Variants in MYCBP observed in about 807,000 individuals in gnomAD.
MYCBP encodes the protein C-Myc-binding protein.
In MYCBP, 5 loss-of-function variants were observed where a neutral mutation model predicts 16.8. The ratio of observed to expected loss-of-function variants is 0.30; its 90% CI spans 0.16 to 0.63. The LOEUF (loss-of-function observed/expected upper bound fraction) is 0.63. MYCBP is among the 20% of genes least tolerant of loss of function. The pLI is 0.83. For synonymous variants in MYCBP, 35 were observed against 43.7 expected (o/e 0.80, Z 0.79); for missense variants, 103 against 121.8 (o/e 0.85, Z 0.73).
At chr1:38,870,484 A>C (rs1642437307) in intron 2 of MYCBP, among the ~76,000 whole-genome samples, 1 of 152,034 alleles carries the variant, frequency 6.6e-6, no homozygotes, top group Admixed American at 6.6e-5. Flanking sequence ...CTCTGTCTCA[A>C]AAAAAATAAA....
At chr1:38,872,283 T>C (rs1010139116) in intron 2 of MYCBP, among the ~76,000 whole-genome samples, 4 of 152,216 alleles carry the variant, frequency 2.6e-5, no homozygotes, top group Non-Finnish European at 4.4e-5. Flanking sequence ...GGCATTCAAA[T>C]TAGTGCTAAG....
At chr1:38,868,037 A>G (rs775996582) in intron 2 of MYCBP, among the ~76,000 whole-genome samples, 4 of 152,222 alleles carry the variant, frequency 2.6e-5, no homozygotes, top group Non-Finnish European at 4.4e-5. Flanking sequence ...GCAGGAAAGG[A>G]AGCTGGAAAG....
At chr1:38,864,839 A>G (rs1203752022) in intron 4 of MYCBP, 125 bp from the exon 5 acceptor site, 12 of 800,838 alleles carry the variant, frequency 1.5e-5, no homozygotes, top group Admixed American at 2.5e-5. Context: ...ATCAGTTTCT[A>G]TAACTATCCA....
chr1:38,866,284 G>A (rs776269842), intron 4 of MYCBP, among the ~76,000 whole-genome samples: 8 of 151,984 alleles, frequency 5.3e-5, no homozygotes, highest in Non-Finnish European at 1.0e-4. Flanking sequence ...CTGACCGCAG[G>A]TGATCTGCCC....
Position 38,868,586 on chromosome 1 carries a change from A to G in MYCBP, c.89-976T>C, listed in dbSNP as rs544758714. The stretch of plus-strand genomic sequence containing the variant: ...TGCATGGAACCCTTTGAAAAATCTA[A>G]TAAAAGCAAAAAAAGTAAACACACA... On this transcript the variant is annotated intron_variant, in intron 2 of 4. Coordinates refer to ENST00000397572, the MANE Select transcript of MYCBP (RefSeq NM_012333.5). Among the ~76,000 whole-genome samples, 137 of 152,286 alleles carry G rather than the reference A, an allele frequency of 9.0e-4. 1 individual carries two copies. The highest frequency in any genetic ancestry group is 3.2e-3 in the African/African-American group (134 of 41,544).
At chr1:38,873,173 G>A (rs888600782) in intron 1 of MYCBP, 83 bp from the exon 2 acceptor site, 1 of 1,552,888 alleles carries the variant, frequency 6.4e-7, no homozygotes. Context: ...CCCCGCCTCC[G>A]CCTCACTACC....
chr1:38,864,927 G>A (rs1343465583), intron 4 of MYCBP, among the ~76,000 whole-genome samples: 1 of 152,042 alleles, frequency 6.6e-6, no homozygotes, highest in Non-Finnish European at 1.5e-5. Context: ...CTTTAAAATT[G>A]CTTTGAAACT....
chr1:38,869,596 C>CA (rs1211369077), intron 2 of MYCBP, among the ~76,000 whole-genome samples: 1 of 152,184 alleles, frequency 6.6e-6, no homozygotes, highest in African/African-American at 2.4e-5. Context: ...CCCAATCATG[C>CA]TCCCCTTTTT....
chr1:38,863,564 C>T lies in MYCBP; in HGVS notation c.*1106G>A, dbSNP rs2124246673. ...CATTCTCATTTGACCCTCACAACAA[C>T]CCTGTGAGGTAGGCATCACGGACAT... On this transcript the variant is annotated 3_prime_UTR_variant, in exon 5 of 5. Coordinates refer to ENST00000397572, the MANE Select transcript of MYCBP (RefSeq NM_012333.5). 1 of 152,752 alleles carries T rather than the reference C, an allele frequency of 6.5e-6. No homozygotes were observed. The highest frequency in any genetic ancestry group is 2.1e-4 in the South Asian group (1 of 4,826). The allele number at this position is 152,752 out of a possible 1,614,324, so 9.5% of individuals were successfully genotyped here. A position where few individuals can be genotyped will look rare whatever the true frequency, so the allele number is the denominator to read the frequency against.
chr1:38,871,324 C>A (rs1387534599), intron 2 of MYCBP, among the ~76,000 whole-genome samples: 1 of 104,646 alleles, frequency 9.6e-6, no homozygotes, highest in Non-Finnish European at 2.7e-5. Flanking sequence ...CCTTAGACTT[C>A]CTGAAACTCT....
chr1:38,869,299 G>C (rs1642409334), intron 2 of MYCBP, among the ~76,000 whole-genome samples: 1 of 152,014 alleles, frequency 6.6e-6, no homozygotes, highest in Non-Finnish European at 1.5e-5. Context: ...TGTTGGTCAG[G>C]CTAGTCTCGA....
At chr1:38,869,639 T>A (rs149476417) in intron 2 of MYCBP, among the ~76,000 whole-genome samples, 132 of 152,346 alleles carry the variant, frequency 8.7e-4, no homozygotes, top group African/African-American at 2.8e-3. Context: ...GAGGTTGATA[T>A]AGCGCTCAAA....
chr1:38,873,354 G>A, upstream of MYCBP: 1 of 1,589,440 alleles, frequency 6.3e-7, no homozygotes, highest in Non-Finnish European at 8.5e-7. Context: ...CGACTGGCGG[G>A]TTGGGAGCAG....
At chr1:38,870,251 G>A (rs1270151839) in intron 2 of MYCBP, among the ~76,000 whole-genome samples, 1 of 152,010 alleles carries the variant, frequency 6.6e-6, no homozygotes, top group African/African-American at 2.4e-5. Context: ...GGTGCCTGAG[G>A]TGGGAGAATT....
chr1:38,867,446 CAAAAAAA>C, intron 3 of MYCBP, 109 bp downstream of exon 3: 6 of 622,936 alleles, frequency 9.6e-6, no homozygotes, highest in Non-Finnish European at 1.5e-5. Flanking sequence ...GACTCCGTCT[CAAAAAAA>C]AAAAAAAAAA....
At chr1:38,868,103 C>A (rs1886748) in intron 2 of MYCBP, among the ~76,000 whole-genome samples, 54,393 of 151,984 alleles carry the variant, frequency 0.36, 10,861 homozygotes, top group Non-Finnish European at 0.44. Flanking sequence ...CATAATTAAA[C>A]AGTTTAAAGG....
Position 38,873,075 on chromosome 1 carries a change from G to A in MYCBP, c.31C>T (p.Arg11Cys), listed in dbSNP as rs1220104614. 6 of 1,564,070 alleles carry A rather than the reference G, an allele frequency of 3.8e-6. No individual in the cohort carries two copies. The highest frequency in any genetic ancestry group is 1.2e-5 in the South Asian group (1 of 85,028). Residue 11 changes from arginine (R) to cysteine (C), a missense_variant, in exon 2 of 5, where the codon CGT becomes TGT. Arg to Cys is a radical substitution (Grantham distance 180, BLOSUM62 -3). Transcript: ENST00000397572. MAHYKAADSK[R>C]EQFRRYLEKS... ...TCCAAGTACCTCCGGAACTGCTCAC[G>A]CTTCGAGTCGGCGGCCTGAAGAGAC...
intron 2 of MYCBP, among the ~76,000 whole-genome samples, chr1:38,868,779 G>A (rs1233503341): frequency 1.3e-5 from 2 of 152,008 alleles, no homozygotes; most frequent in East Asian, 1.9e-4. Context: ...GGTGGCGGGC[G>A]GCTGTAGTCC....
chr1:38,868,667 A>T (rs568181657), intron 2 of MYCBP, among the ~76,000 whole-genome samples: 1 of 152,182 alleles, frequency 6.6e-6, no homozygotes, highest in Non-Finnish European at 1.5e-5. Context: ...GCACTTTGGG[A>T]GGCCAAGGCG....
Sources: allele counts gnomAD v4.1 joint callset (sites outside exome capture counted in the v4.1 genomes callset), GRCh38; gene constraint gnomAD v4.1.1; transcripts MANE v1.5; gene names NCBI Gene and HGNC (gene_info 2026-07-23, HGNC 2026-07-21).